Variants in GPC5 observed in about 807,000 individuals in gnomAD.
GPC5 encodes glypican 5.
A neutral mutation model predicts 53.9 loss-of-function variants in GPC5; 47 were observed. The observed-to-expected ratio is 0.87, with a 90% CI of 0.69 to 1.11. GPC5 has a LOEUF of 1.11. Among genes scored for constraint, GPC5 ranks in the 50% most tolerant of loss-of-function variants. The pLI, the probability that GPC5 is intolerant of heterozygous loss-of-function variation, is 0.00. For synonymous variants in GPC5, 286 were observed against 263.3 expected, an observed-to-expected ratio of 1.09 and a Z score of -0.84; for missense variants, 748 against 713.1, an observed-to-expected ratio of 1.05 and a Z score of -0.56.
chr13:92,160,772 T>TAAATGAA (rs1247334296), intron 7 of GPC5, among the ~76,000 whole-genome samples: 1 of 152,156 alleles, frequency 6.6e-6, no homozygotes, highest in East Asian at 1.9e-4. Flanking sequence ...AATTAATTCA[T>TAAATGAA]AAATGAATAA....
intron 5 of GPC5, among the ~76,000 whole-genome samples, chr13:91,853,501 A>G (rs1021877144): frequency 3.9e-5 from 6 of 151,970 alleles, no homozygotes; most frequent in Admixed American, 3.3e-4. Flanking sequence ...AGAGATTTAC[A>G]ACAGCTTCCA....
intron 6 of GPC5, among the ~76,000 whole-genome samples, chr13:92,084,941 T>A (rs897834462): frequency 6.6e-6 from 1 of 152,216 alleles, no homozygotes; most frequent in Non-Finnish European, 1.5e-5. Flanking sequence ...TTGTTTGAGA[T>A]GAGATGTCAG....
At chr13:92,644,424 G>A (rs1442175490) in intron 7 of GPC5, among the ~76,000 whole-genome samples, 3 of 152,160 alleles carry the variant, frequency 2.0e-5, no homozygotes, top group East Asian at 1.9e-4. Flanking sequence ...TATTTTGTAC[G>A]TGTCACAATC....
chr13:92,659,985 C>T (rs1009883921), intron 7 of GPC5, among the ~76,000 whole-genome samples: 7 of 152,192 alleles, frequency 4.6e-5, no homozygotes, highest in African/African-American at 1.7e-4. Context: ...GAAACCATCA[C>T]TGTTAGCCCT....
chr13:92,111,583 C>CA (rs34294679), intron 6 of GPC5, among the ~76,000 whole-genome samples: 65,344 of 148,948 alleles, frequency 0.44, 14,283 homozygotes, highest in Admixed American at 0.49. Flanking sequence ...CTCTGCCCCA[C>CA]AAAAAAAAAA....
chr13:92,653,444 A>G (rs1241211833), intron 7 of GPC5, among the ~76,000 whole-genome samples: 1 of 152,240 alleles, frequency 6.6e-6, no homozygotes, highest in African/African-American at 2.4e-5. Flanking sequence ...TGGGCTGCAG[A>G]CAGCATCTGC....
intron 2 of GPC5, among the ~76,000 whole-genome samples, chr13:91,658,959 C>G (rs2034917141): frequency 6.6e-6 from 1 of 152,130 alleles, no homozygotes. Context: ...TGTTATCAGG[C>G]TATTGTGTAA....
At chr13:92,349,359 G>T (rs1054119838) in intron 7 of GPC5, among the ~76,000 whole-genome samples, 1 of 151,820 alleles carries the variant, frequency 6.6e-6, no homozygotes, top group Non-Finnish European at 1.5e-5. Context: ...TGGTCAGGCT[G>T]GTCTTGAACT....
intron 2 of GPC5, among the ~76,000 whole-genome samples, chr13:91,631,181 T>C (rs1456223236): frequency 6.6e-6 from 1 of 152,164 alleles, no homozygotes; most frequent in African/African-American, 2.4e-5. Flanking sequence ...GCCTTAGGTA[T>C]TGGCAAGTGT....
intron 7 of GPC5, among the ~76,000 whole-genome samples, chr13:92,277,135 TTAAG>T (rs931901333): frequency 6.6e-6 from 1 of 152,028 alleles, no homozygotes; most frequent in African/African-American, 2.4e-5. Context: ...ATTATTATTA[TTAAG>T]TAATATAACA....
intron 7 of GPC5, among the ~76,000 whole-genome samples, chr13:92,348,994 T>C (rs974708233): frequency 3.3e-5 from 5 of 152,088 alleles, no homozygotes; most frequent in African/African-American, 1.2e-4. Context: ...CAATTAATCT[T>C]ACTCATCAAG....
In GPC5 at chr13:91,752,044, T is replaced by G. The variant is rs555650183; in HGVS notation, c.1155-4251T>G. Among the ~76,000 whole-genome samples the G allele has an allele frequency of 3.4e-3, 512 of 152,310 alleles. 2 individuals carry two copies. The highest frequency in any genetic ancestry group is 0.012 in the African/African-American group (486 of 41,570). ...TGGCAGGTTTGGTTTCTGCAGAGGCTTCTCTCCTTGGCTTGCAGATGGCTG... is the reference window on the plus strand; with the variant it reads ...TGGCAGGTTTGGTTTCTGCAGAGGCGTCTCTCCTTGGCTTGCAGATGGCTG... On this transcript the variant is annotated intron_variant, in intron 4 of 7. Transcript: ENST00000377067.
intron 7 of GPC5, among the ~76,000 whole-genome samples, chr13:92,307,720 A>G (rs2043119860): frequency 6.6e-6 from 1 of 152,218 alleles, no homozygotes; most frequent in Admixed American, 6.5e-5. Flanking sequence ...TGAAAAATGA[A>G]TGAGGTAGGT....
chr13:91,706,227 A>C (rs1353804326), intron 3 of GPC5, among the ~76,000 whole-genome samples: 1 of 151,232 alleles, frequency 6.6e-6, no homozygotes, highest in Non-Finnish European at 1.5e-5. Context: ...TCATCACTTT[A>C]TGGACCATAC....
chr13:92,383,542 A>G (rs1394945745), intron 7 of GPC5, among the ~76,000 whole-genome samples: 3 of 152,206 alleles, frequency 2.0e-5, no homozygotes, highest in Non-Finnish European at 4.4e-5. Flanking sequence ...GGTTTAACAC[A>G]CGGGTATATG....
intron 6 of GPC5, among the ~76,000 whole-genome samples, chr13:92,086,563 A>G (rs575301490): frequency 1.3e-5 from 2 of 150,966 alleles, no homozygotes; most frequent in South Asian, 2.1e-4. Flanking sequence ...TAAAATTTTT[A>G]TTTTCTCTTC....
chr13:91,971,048 C>A (rs573786275), intron 6 of GPC5, among the ~76,000 whole-genome samples: 2 of 152,160 alleles, frequency 1.3e-5, no homozygotes, highest in African/African-American at 2.4e-5. Flanking sequence ...ATGGTACCAG[C>A]TCCTCCTTGT....
At chr13:92,569,802 TA>T (rs1355491168) in intron 7 of GPC5, among the ~76,000 whole-genome samples, 2 of 152,314 alleles carry the variant, frequency 1.3e-5, no homozygotes, top group Non-Finnish European at 2.9e-5. Flanking sequence ...ATTAGTGTTT[TA>T]AAAATTGATT....
chr13:92,264,379 T>A (rs1415697244), intron 7 of GPC5, among the ~76,000 whole-genome samples: 3 of 151,910 alleles, frequency 2.0e-5, no homozygotes, highest in Non-Finnish European at 4.4e-5. Flanking sequence ...AAAAGAGAGG[T>A]GAGCCCAGCA....
Sources: gnomAD v4.1 joint callset for allele counts (sites outside exome capture counted in the v4.1 genomes callset) on GRCh38, gnomAD v4.1.1 for gene constraint, MANE v1.5 for transcripts, NCBI Gene and HGNC (gene_info 2026-07-23, HGNC 2026-07-21) for gene names.